Variants in RBFOX1 observed in about 807,000 individuals in gnomAD.
RBFOX1 encodes the protein RNA binding fox-1 homolog 1, also known as RNA binding protein fox-1 homolog 1.
Under a neutral mutation model 57.7 loss-of-function variants are expected in RBFOX1, and 8 were observed. That is an observed-to-expected ratio of 0.14 (90% confidence interval 0.08 to 0.25). RBFOX1 has a LOEUF of 0.25. Among genes scored for constraint, RBFOX1 ranks in the 10% least tolerant of loss-of-function variants. The probability of loss-of-function intolerance (pLI) is 1.00; values close to 1 mark genes in which losing one functional copy is unlikely to be tolerated. For missense variants in RBFOX1, 611 were observed against 548.5 expected (o/e 1.11, Z -1.14); for synonymous variants, 326 against 222.4 (o/e 1.47, Z -4.15).
chr16:6,442,782 T>C (rs1489567686), intron 2 of RBFOX1, among the ~76,000 whole-genome samples: 11 of 152,166 alleles, frequency 7.2e-5, no homozygotes. Flanking sequence ...TGTCCTGCCG[T>C]CATTGGTCAA....
intron 3 of RBFOX1, among the ~76,000 whole-genome samples, chr16:6,758,075 G>A (rs993461562): frequency 1.3e-5 from 2 of 152,092 alleles, no homozygotes; most frequent in African/African-American, 4.8e-5. Flanking sequence ...CCAATAAGAA[G>A]GATCAGGACA....
intron 2 of RBFOX1, among the ~76,000 whole-genome samples, chr16:5,534,012 C>G (rs1402683966): frequency 6.6e-6 from 1 of 152,164 alleles, no homozygotes; most frequent in Non-Finnish European, 1.5e-5. Flanking sequence ...GTCCCCAAAT[C>G]ACACCACTGA....
intron 3 of RBFOX1, among the ~76,000 whole-genome samples, chr16:6,821,960 C>T (rs116035559): frequency 0.024 from 3,616 of 152,212 alleles, 143 homozygotes; most frequent in African/African-American, 0.083. Context: ...GATGTGATTG[C>T]CTCTACTGTT....
At position 6,385,254 on chromosome 16, in the gene RBFOX1, A is replaced by G. The variant is rs142039348; in HGVS notation, c.-64+68197A>G. ...ACAGGAACAGGCAGTATGCATAGTT[A>G]AGGACGTAGGTCTGGGTTCGAACTC... On this transcript the variant is annotated intron_variant, in intron 2 of 15. Transcript: ENST00000550418. Among the ~76,000 whole-genome samples, 606 of 152,356 alleles carry G rather than the reference A, an allele frequency of 4.0e-3. 6 individuals carry two copies. Among genetic ancestry groups the G allele is most frequent in the Middle Eastern group, 0.02 (6 of 294 alleles).
intron 1 of RBFOX1, chr16:5,261,118 T>A (rs1325371867): frequency 6.6e-6 from 1 of 152,228 alleles, no homozygotes; most frequent in Non-Finnish European, 1.5e-5. Context: ...ACGTTTCAAT[T>A]TTAGACCTGA....
intron 4 of RBFOX1, among the ~76,000 whole-genome samples, chr16:7,245,613 T>G (rs964621294): frequency 2.6e-5 from 4 of 152,242 alleles, no homozygotes; most frequent in Non-Finnish European, 5.9e-5. Context: ...GGTTAAACTT[T>G]TGGAGAGCTA....
rs138732380 is a variant in RBFOX1 at position 6,543,057 on chromosome 16, A to G, written c.-63-111546A>G. 2.7e-3 allele frequency among the ~76,000 whole-genome samples: 412 copies of G among 152,242 alleles called. 3 individuals are homozygous for G. Among genetic ancestry groups the G allele is most frequent in the African/African-American group, 9.6e-3 (397 of 41,538 alleles). On this transcript the variant is annotated intron_variant, in intron 2 of 15. Transcript: ENST00000550418. Reference sequence around the variant, plus strand: ...TATCGTTTGGCAGTAATCACATCCAAGCCAATTTTGATCAATAGTTTTGTT... The same window carrying G: ...TATCGTTTGGCAGTAATCACATCCAGGCCAATTTTGATCAATAGTTTTGTT...
chr16:5,774,595 C>T (rs2054086230), intron 3 of RBFOX1, among the ~76,000 whole-genome samples: 1 of 152,158 alleles, frequency 6.6e-6, no homozygotes, highest in Admixed American at 6.5e-5. Flanking sequence ...TAGGTAGTCA[C>T]CATTGTATAA....
intron 1 of RBFOX1, among the ~76,000 whole-genome samples, chr16:5,438,235 C>T (rs997425284): frequency 6.6e-6 from 1 of 152,202 alleles, no homozygotes; most frequent in African/African-American, 2.4e-5. Context: ...AAGTTGTGAT[C>T]ACCCTCACTC....
downstream of RBFOX1, among the ~76,000 whole-genome samples, chr16:5,602,253 C>T (rs566998985): frequency 6.6e-6 from 1 of 152,332 alleles, no homozygotes; most frequent in East Asian, 1.9e-4. Context: ...TCACATGTGT[C>T]AAAATGTAAA....
intron 1 of RBFOX1, chr16:5,260,971 G>A (rs887802016): frequency 6.6e-6 from 1 of 152,206 alleles, no homozygotes; most frequent in African/African-American, 2.4e-5. Flanking sequence ...AAGGACATTG[G>A]TGACCATTTG....
intron 4 of RBFOX1, among the ~76,000 whole-genome samples, chr16:7,213,563 A>G (rs935652111): frequency 6.6e-6 from 1 of 152,102 alleles, no homozygotes; most frequent in African/African-American, 2.4e-5. Flanking sequence ...ATGCCAAAAA[A>G]AAAAACACAA....
chr16:5,934,573 C>G lies in RBFOX1; in HGVS notation c.351+67238C>G, dbSNP rs559615825. ...GGCCTGCAGTATGGACAGATCCCGC[C>G]AAGTGTTTTAAAAGAGAAGAGGATA... is the stretch of plus-strand genomic sequence containing the variant. On this transcript the variant is annotated intron_variant, in intron 4 of 19. Transcript: ENST00000641259. Among the ~76,000 whole-genome samples the G allele has an allele frequency of 2.6e-5, 4 of 152,058 alleles. No homozygotes were observed. The East Asian group carries it at 5.8e-4, about 22-fold the overall frequency.
intron 4 of RBFOX1, among the ~76,000 whole-genome samples, chr16:7,197,006 A>G (rs1000429184): frequency 2.0e-5 from 3 of 152,186 alleles, no homozygotes; most frequent in Admixed American, 6.5e-5. Flanking sequence ...GGAGAGTTTA[A>G]AAGACTCCAT....
chr16:7,151,222 G>C (rs907263699), intron 4 of RBFOX1, among the ~76,000 whole-genome samples: 1 of 152,172 alleles, frequency 6.6e-6, no homozygotes, highest in African/African-American at 2.4e-5. Context: ...ATTTTTAAAA[G>C]TCACTCATAG....
chr16:7,362,829 G>C (rs1413155599), intron 4 of RBFOX1, among the ~76,000 whole-genome samples: 8 of 152,076 alleles, frequency 5.3e-5, no homozygotes, highest in African/African-American at 1.7e-4. Flanking sequence ...CTTATCAGTG[G>C]GTCAGAAGAC....
At chr16:7,505,629 A>G (rs1035000670) in intron 4 of RBFOX1, among the ~76,000 whole-genome samples, 3 of 152,206 alleles carry the variant, frequency 2.0e-5, no homozygotes, top group African/African-American at 7.2e-5. Flanking sequence ...CAAATGGAAA[A>G]TCAGGATGGA....
chr16:6,451,737 A>G (rs539120648), intron 2 of RBFOX1, among the ~76,000 whole-genome samples: 1 of 152,294 alleles, frequency 6.6e-6, no homozygotes, highest in South Asian at 2.1e-4. Flanking sequence ...CACCACAGAC[A>G]GAGCACATAC....
chr16:6,695,661 C>G (rs746616585), intron 3 of RBFOX1, among the ~76,000 whole-genome samples: 1 of 151,974 alleles, frequency 6.6e-6, no homozygotes, highest in Admixed American at 6.6e-5. Context: ...TCATAGTGTC[C>G]GGCCTATTGT....
Sources: allele counts gnomAD v4.1 joint callset (sites outside exome capture counted in the v4.1 genomes callset), GRCh38; gene constraint gnomAD v4.1.1; transcripts MANE v1.5; gene names NCBI Gene and HGNC (gene_info 2026-07-23, HGNC 2026-07-21).